FAM90A20: variants seen among roughly 807,000 people sequenced by gnomAD.
The protein encoded by FAM90A20 is protein FAM90A20.
chr8:7,297,760 C>T, the FAM90A20 span: 2 of 1,475,396 alleles, frequency 1.4e-6, no homozygotes, highest in East Asian at 4.5e-5. Flanking sequence ...AGGCCTGCAC[C>T]ATGTCCCATC....
the FAM90A20 span, chr8:7,296,282 T>A: frequency 1.4e-6 from 1 of 725,992 alleles, no homozygotes; most frequent in Non-Finnish European, 2.5e-6. Flanking sequence ...CTTTTTCTGT[T>A]CTGCAGGCAA....
the FAM90A20 span, chr8:7,297,082 G>C: frequency 3.3e-6 from 5 of 1,509,916 alleles, 1 homozygote; most frequent in South Asian, 1.1e-5. Context: ...GGCCAATGCC[G>C]GTCCACACAA....
chr8:7,296,840 A>C, the FAM90A20 span, among the ~76,000 whole-genome samples: 1 of 136,534 alleles, frequency 7.3e-6, no homozygotes, highest in Non-Finnish European at 1.5e-5. Flanking sequence ...CTTTTGAACA[A>C]TGGTGTGCTT....
chr8:7,297,223 A>T, the FAM90A20 span: 12 of 1,522,426 alleles, frequency 7.9e-6, 1 homozygote, highest in Non-Finnish European at 1.1e-5. Context: ...CAAGTCTTGG[A>T]CCAAAGGAAA....
chr8:7,297,323 A>C, the FAM90A20 span: 283 of 1,359,782 alleles, frequency 2.1e-4, 12 homozygotes, highest in Admixed American at 4.2e-4. Context: ...GACACACAGC[A>C]GCCCTGAGGG....
chr8:7,297,018 C>T, the FAM90A20 span: 13 of 1,437,800 alleles, frequency 9.0e-6, 4 homozygotes, highest in African/African-American at 1.8e-4. Context: ...CATGTTGGCT[C>T]CATGCTGAGG....
At chr8:7,296,469 G>C in the FAM90A20 span, 2 of 685,668 alleles carry the variant, frequency 2.9e-6, no homozygotes, top group East Asian at 2.7e-5. Context: ...TCAGCTTCCC[G>C]TCTGCGGGAG....
At chr8:7,297,469 A>T in the FAM90A20 span, 84 of 1,545,852 alleles carry the variant, frequency 5.4e-5, 11 homozygotes, top group Non-Finnish European at 5.9e-5. Flanking sequence ...GCTTGGGCCT[A>T]GGCTCCAATC....
chr8:7,297,288 A>T, the FAM90A20 span: 222 of 1,355,398 alleles, frequency 1.6e-4, 16 homozygotes, highest in Non-Finnish European at 2.9e-5. Context: ...CACCAGGTCC[A>T]CGAGACTCTC....
chr8:7,297,372 A>G, the FAM90A20 span: 2 of 1,488,496 alleles, frequency 1.3e-6, 1 homozygote, highest in Non-Finnish European at 1.8e-6. Context: ...TCCAAAACCC[A>G]CGGCCTGCTC....
the FAM90A20 span, chr8:7,297,767 C>A: frequency 6.1e-6 from 9 of 1,469,306 alleles, 1 homozygote; most frequent in Middle Eastern, 2.3e-4. Flanking sequence ...CACCATGTCC[C>A]ATCACCCAGC....
the FAM90A20 span, chr8:7,297,046 G>A: frequency 4.0e-6 from 6 of 1,482,760 alleles, no homozygotes; most frequent in South Asian, 2.4e-5. Context: ...AACCTGTGTT[G>A]TTTCCTCTCT....
the FAM90A20 span, chr8:7,296,487 G>A: frequency 1.5e-6 from 1 of 663,456 alleles, no homozygotes; most frequent in Non-Finnish European, 2.8e-6. Flanking sequence ...GAGGAAATCG[G>A]GGAACCCCTC....
At chr8:7,296,150 G>A in the FAM90A20 span, 1 of 598,138 alleles carries the variant, frequency 1.7e-6, no homozygotes. Flanking sequence ...GCACGTGAGG[G>A]AAGGTGCAGA....
the FAM90A20 span, chr8:7,296,507 T>A: frequency 1.6e-6 from 1 of 644,210 alleles, no homozygotes; most frequent in Non-Finnish European, 2.8e-6. Context: ...CTTTCTTGTC[T>A]TCTTGGGGTC....
chr8:7,296,399 T>C, the FAM90A20 span: 894 of 741,910 alleles, frequency 1.2e-3, 108 homozygotes, highest in Middle Eastern at 3.7e-3. Context: ...TATCTGAGGG[T>C]GAGTGTCACC....
chr8:7,295,500 G>T, the FAM90A20 span: 2 of 527,286 alleles, frequency 3.8e-6, no homozygotes, highest in East Asian at 3.3e-5. Flanking sequence ...GCACTTAACG[G>T]CCCCCATGCC....
At chr8:7,297,405 A>G in the FAM90A20 span, 1 of 1,545,220 alleles carries the variant, frequency 6.5e-7, no homozygotes, top group Non-Finnish European at 8.8e-7. Context: ...ACCCAGGCAC[A>G]AGACAAACGT....
the FAM90A20 span, chr8:7,297,295 T>C: frequency 2.2e-5 from 29 of 1,342,166 alleles, 3 homozygotes; most frequent in African/African-American, 4.8e-4. Flanking sequence ...TCCACGAGAC[T>C]CTCCTCGTGG....
Sources: allele counts gnomAD v4.1 joint callset (sites outside exome capture counted in the v4.1 genomes callset), GRCh38; gene constraint gnomAD v4.1.1; transcripts MANE v1.5; gene names NCBI Gene and HGNC (gene_info 2026-07-23, HGNC 2026-07-21).